The following SLC9A2 variants were observed in gnomAD, a reference collection of about 807,000 sequenced individuals.
SLC9A2 encodes solute carrier family 9 member A2.
In SLC9A2, 42 loss-of-function variants were observed where a neutral mutation model predicts 71.7. The ratio of observed to expected loss-of-function variants is 0.59; its 90% CI spans 0.46 to 0.76. SLC9A2 has a LOEUF of 0.76. Ranked by LOEUF, SLC9A2 falls within the 30% of genes least tolerant of loss-of-function variation. SLC9A2 has a pLI of 0.00. For synonymous variants in SLC9A2, 396 were observed against 392.5 expected, an observed-to-expected ratio of 1.01 and a Z score of -0.10; for missense variants, 829 against 1,017.4, an observed-to-expected ratio of 0.81 and a Z score of 2.52.
At chr2:102,629,117 T>C (rs1013541951) in intron 1 of SLC9A2, among the ~76,000 whole-genome samples, 1 of 152,134 alleles carries the variant, frequency 6.6e-6, no homozygotes, top group Non-Finnish European at 1.5e-5. Flanking sequence ...AGTTTTTTGG[T>C]TACTTTATCA....
intron 3 of SLC9A2, among the ~76,000 whole-genome samples, chr2:102,671,096 C>A (rs1439298970): frequency 6.6e-6 from 1 of 152,054 alleles, no homozygotes; most frequent in Non-Finnish European, 1.5e-5. Flanking sequence ...ACACAGGATG[C>A]CAACTGACCC....
At chr2:102,631,366 G>A (rs189917602) in intron 1 of SLC9A2, among the ~76,000 whole-genome samples, 2 of 151,558 alleles carry the variant, frequency 1.3e-5, no homozygotes, top group South Asian at 2.1e-4. Flanking sequence ...TTCTTCAGGA[G>A]CCCTTTCTTT....
chr2:102,632,282 A>T (rs951592375), intron 1 of SLC9A2, among the ~76,000 whole-genome samples: 19 of 147,058 alleles, frequency 1.3e-4, no homozygotes, highest in African/African-American at 4.7e-4. Context: ...ATATTTCCAT[A>T]AGGATAATAT....
chr2:102,705,731 T>C, intron 10 of SLC9A2, 115 bp from the exon 11 acceptor site: 1 of 571,108 alleles, frequency 1.8e-6, no homozygotes, highest in Non-Finnish European at 3.0e-6. Context: ...AATTTTGGAA[T>C]CAGAAATTAA....
rs777010369 is a variant in SLC9A2, at chr2:102,695,137, G to A, written c.1586+24G>A. 16 of 1,552,292 alleles carry A rather than the reference G, an allele frequency of 1.0e-5. No homozygotes were observed. In the Admixed American group the frequency reaches 2.5e-4, roughly 24 times the overall value. On this transcript the variant is annotated intron_variant, in intron 7 of 11. Coordinates refer to ENST00000233969, the MANE Select transcript of SLC9A2 (RefSeq NM_003048.6). ...AAGTAAGAAGGTCTTATGCCATTGG[G>A]TTATGAAGTGGCCCAGGGTCATTCT... is the stretch of plus-strand genomic sequence containing the variant.
chr2:102,705,919 G>A lies in SLC9A2; in HGVS notation c.2051G>A (p.Arg684Lys). Reference sequence around the variant, plus strand: ...CTTCCAGAAAAGCTACAAAAGAGGAGGACTATTTCTATTGCAGGTAGTGAA... The same window carrying A: ...CTTCCAGAAAAGCTACAAAAGAGGAAGACTATTTCTATTGCAGGTAGTGAA... Reference protein sequence around the residue: ...TKLPEKLQKRRTISIADGNSS... With the variant: ...TKLPEKLQKRKTISIADGNSS... Residue 684 changes from arginine (R) to lysine (K), a missense_variant, in exon 11 of 12, where the codon AGG (arginine) becomes AAG (lysine). This residue lies in a region of SLC9A2 where 223 missense variants were observed against 197.5 expected (regional missense o/e 1.13). Coordinates refer to ENST00000233969, the MANE Select transcript of SLC9A2 (RefSeq NM_003048.6). 6.3e-7 allele frequency: 1 copy of A among 1,599,580 alleles called. No homozygotes were observed.
intron 1 of SLC9A2, among the ~76,000 whole-genome samples, chr2:102,653,890 A>G (rs1676882759): frequency 6.6e-6 from 1 of 152,202 alleles, no homozygotes; most frequent in Non-Finnish European, 1.5e-5. Context: ...ATGTGGAGGC[A>G]TTTGTGATGT....
At chr2:102,677,540 C>T (rs1369847960) in intron 3 of SLC9A2, among the ~76,000 whole-genome samples, 1 of 152,190 alleles carries the variant, frequency 6.6e-6, no homozygotes, top group Admixed American at 6.5e-5. Flanking sequence ...CATCTCCACT[C>T]TGTCCTACAG....
chr2:102,669,560 A>G (rs917222294), intron 3 of SLC9A2, among the ~76,000 whole-genome samples: 3 of 152,312 alleles, frequency 2.0e-5, no homozygotes, highest in Admixed American at 2.0e-4. Context: ...TATCAATAGC[A>G]TTGGACACCT....
At chr2:102,695,781 T>TATATATATTATATATATATATA (rs1553429154) in intron 7 of SLC9A2, among the ~76,000 whole-genome samples, 1,163 of 15,404 alleles carry the variant, frequency 0.075, 47 homozygotes, top group African/African-American at 0.12. Flanking sequence ...ATATATATTA[T>TATATATATTATATATATATATA]ATATATATTA....
chr2:102,680,893 G>A (rs912658064), intron 3 of SLC9A2, among the ~76,000 whole-genome samples: 1 of 149,712 alleles, frequency 6.7e-6, no homozygotes, highest in Non-Finnish European at 1.5e-5. Context: ...TCAGAGGGAC[G>A]TGGCACGAGC....
At chr2:102,691,967 T>C (rs1210991209) in intron 5 of SLC9A2, among the ~76,000 whole-genome samples, 1 of 152,234 alleles carries the variant, frequency 6.6e-6, no homozygotes, top group Non-Finnish European at 1.5e-5. Context: ...AGCTTGTGTC[T>C]TTAGAACACA....
At chr2:102,661,846 A>G (rs1038074136) in intron 2 of SLC9A2, among the ~76,000 whole-genome samples, 1 of 152,254 alleles carries the variant, frequency 6.6e-6, no homozygotes, top group Non-Finnish European at 1.5e-5. Flanking sequence ...GCCCACATAC[A>G]TAATATATAC....
At chr2:102,676,021 C>T (rs1014676506) in intron 3 of SLC9A2, among the ~76,000 whole-genome samples, 1 of 152,218 alleles carries the variant, frequency 6.6e-6, no homozygotes, top group Non-Finnish European at 1.5e-5. Context: ...AACATTTACA[C>T]GTGGTCCACA....
chr2:102,635,321 C>T (rs572418514), intron 1 of SLC9A2, among the ~76,000 whole-genome samples: 2 of 152,302 alleles, frequency 1.3e-5, no homozygotes, highest in East Asian at 3.9e-4. Flanking sequence ...CGTGTTAACA[C>T]GCCTGGTCTG....
At chr2:102,651,033 A>C (rs1416055048) in intron 1 of SLC9A2, among the ~76,000 whole-genome samples, 1 of 152,010 alleles carries the variant, frequency 6.6e-6, no homozygotes, top group Non-Finnish European at 1.5e-5. Flanking sequence ...ATTTGTTTGA[A>C]CCTCAAACTA....
chr2:102,666,762 C>T (rs139406564), intron 3 of SLC9A2, among the ~76,000 whole-genome samples: 138 of 152,200 alleles, frequency 9.1e-4, no homozygotes, highest in African/African-American at 3.2e-3. Flanking sequence ...TATGGTAAGA[C>T]CCTGTATACG....
intron 3 of SLC9A2, among the ~76,000 whole-genome samples, chr2:102,666,971 G>A (rs942971845): frequency 1.3e-5 from 2 of 152,136 alleles, no homozygotes; most frequent in African/African-American, 2.4e-5. Context: ...TTTGATTGGG[G>A]GCTAGTTTGA....
chr2:102,677,416 T>G (rs1297724941), intron 3 of SLC9A2, among the ~76,000 whole-genome samples: 2 of 152,140 alleles, frequency 1.3e-5, no homozygotes, highest in Non-Finnish European at 2.9e-5. Flanking sequence ...AAACCACTAA[T>G]TATAGTGCTC....
Sources: allele counts gnomAD v4.1 joint callset (sites outside exome capture counted in the v4.1 genomes callset), GRCh38; gene constraint gnomAD v4.1.1; regional missense constraint gnomAD v4.1.1; transcripts MANE v1.5; gene names NCBI Gene and HGNC (gene_info 2026-07-23, HGNC 2026-07-21).